Variants in DHRS2 observed in about 807,000 individuals in gnomAD.
DHRS2 encodes dehydrogenase/reductase SDR family member 2, mitochondrial.
Under a neutral mutation model 26.3 loss-of-function variants are expected in DHRS2, and 29 were observed. The observed-to-expected ratio is 1.10, with a 90% CI of 0.82 to 1.50. The LOEUF (loss-of-function observed/expected upper bound fraction) is 1.50. Ranked by LOEUF, DHRS2 falls within the 40% of genes most tolerant of loss-of-function variation. The probability of loss-of-function intolerance (pLI) is 0.00; values close to 1 mark genes in which losing one functional copy is unlikely to be tolerated. For synonymous variants in DHRS2, 164 were observed against 151.3 expected (o/e 1.08, Z -0.62); for missense variants, 439 against 367.1 (o/e 1.20, Z -1.60).
Position 23,645,333 on chromosome 14 carries a change from A to T in DHRS2, c.*80A>T. ...TGTCTAGGTGATCATTTGGATCTGG[A>T]GGCAGAGTCTGCCATTCTGCCAGAC... On this transcript the variant is annotated 3_prime_UTR_variant, in exon 9 of 9. Transcript: ENST00000250383. 6.2e-7 allele frequency: 1 copy of T among 1,605,568 alleles called. No homozygotes were observed. Among genetic ancestry groups the T allele is most frequent in the South Asian group, 1.1e-5 (1 of 90,978 alleles).
intron 3 of DHRS2, 21 bp from the exon 4 acceptor site, chr14:23,639,773 C>T (rs1297968503): frequency 6.3e-7 from 1 of 1,591,816 alleles, no homozygotes; most frequent in Non-Finnish European, 8.6e-7. Flanking sequence ...TCTCCACACT[C>T]ATCCAATCTC....
In DHRS2 at chr14:23,644,116, G is replaced by T. The variant is rs1465185087; in HGVS notation, c.494G>T (p.Gly165Val). ...QLLPYMENRR[G>V]AVILVSSIAA... ...TTATGTTTGTCTTGTCTCAGGAGGG[G>T]TGCTGTCATCCTGGTCTCTTCCATT... Residue 165 changes from glycine to valine, a missense_variant, in exon 6 of 9, where the codon GGT (glycine) becomes GTT (valine). Transcript: ENST00000250383. The T allele has an allele frequency of 1.2e-6, 2 of 1,614,028 alleles. No individual in the cohort carries two copies. The highest frequency in any genetic ancestry group is 1.7e-6 in the Non-Finnish European group (2 of 1,180,022).
chr14:23,639,556 C>T lies in DHRS2; in HGVS notation c.318+200C>T, dbSNP rs1026432420. 3.9e-5 allele frequency among the ~76,000 whole-genome samples: 6 copies of T among 152,220 alleles called. No individual in the cohort carries two copies. In the South Asian group the frequency reaches 1.2e-3, roughly 32 times the overall value. ...GAGGACCCTCACCCCACCCCCAGGCCCGGGGAGAATCACTGTGGAGGAGGA... is the reference window on the plus strand; with the variant it reads ...GAGGACCCTCACCCCACCCCCAGGCTCGGGGAGAATCACTGTGGAGGAGGA... On this transcript the variant is annotated intron_variant, in intron 3 of 8. Coordinates refer to ENST00000250383, the MANE Select transcript of DHRS2 (RefSeq NM_005794.4).
At chr14:23,639,406 T>A in intron 3 of DHRS2, 50 bp downstream of exon 3, 1 of 1,511,620 alleles carries the variant, frequency 6.6e-7, no homozygotes. Context: ...ATGCAGAACC[T>A]TTCCTTCACT....
At chr14:23,639,487 C>G (rs1355862891) in intron 3 of DHRS2, 131 bp downstream of exon 3, 3 of 1,311,884 alleles carry the variant, frequency 2.3e-6, no homozygotes, top group African/African-American at 1.5e-5. Context: ...CCCAAGCTAA[C>G]CTCGCTACCC....
chr14:23,638,713 G>C (rs3818304), intron 1 of DHRS2, 114 bp from the exon 2 acceptor site: 155,763 of 1,128,340 alleles, frequency 0.14, 13,402 homozygotes, highest in East Asian at 0.36. Context: ...TAACCAGCCT[G>C]ACTCTCTGCC....
chr14:23,637,761 G>A (rs372200789), intron 1 of DHRS2, among the ~76,000 whole-genome samples: 12 of 152,234 alleles, frequency 7.9e-5, no homozygotes, highest in South Asian at 2.1e-4. Context: ...TGTGTCTAGC[G>A]AAAGGATTGT....
rs72688311 is a variant in DHRS2, at chr14:23,644,628, T to C, written c.675+85T>C. 1.9e-4 allele frequency: 295 copies of C among 1,594,570 alleles called. 1 individual carries two copies. The highest frequency in any genetic ancestry group is 2.3e-4 in the Non-Finnish European group (273 of 1,163,586). On this transcript the variant is annotated intron_variant, in intron 7 of 8. Coordinates refer to ENST00000250383, the MANE Select transcript of DHRS2 (RefSeq NM_005794.4). ...AATAAGGGATCAAGGGGTGACTGAATCCTTAGGTCAGCATGCCTATGACTG... is the reference window on the plus strand; with the variant it reads ...AATAAGGGATCAAGGGGTGACTGAACCCTTAGGTCAGCATGCCTATGACTG...
intron 2 of DHRS2, 30 bp downstream of exon 2, chr14:23,639,034 C>T (rs770402015): frequency 2.5e-6 from 4 of 1,608,742 alleles, no homozygotes; most frequent in East Asian, 2.2e-5. Flanking sequence ...TGGGTCCTGG[C>T]CCCTCACAGG....
rs1890794906 is a variant in DHRS2, at chr14:23,644,484, A to C, written c.616A>C (p.Lys206Gln). Residue 206 changes from lysine (K) to glutamine (Q), a missense_variant, in exon 7 of 9, where the codon AAG (lysine) becomes CAG (glutamine). Coordinates refer to ENST00000250383, the MANE Select transcript of DHRS2 (RefSeq NM_005794.4). Reference protein sequence around the residue: ...TRTLALELAPKDIRVNCVVPG... With the variant: ...TRTLALELAPQDIRVNCVVPG... ...AACACTGGCATTGGAGCTGGCCCCC[A>C]AGGACATCCGGGTAAACTGCGTGGT... is the stretch of plus-strand genomic sequence containing the variant. The C allele has an allele frequency of 3.7e-6, 6 of 1,614,216 alleles. No individual in the cohort carries two copies. The highest frequency in any genetic ancestry group is 5.1e-6 in the Non-Finnish European group (6 of 1,180,042).
In DHRS2 at chr14:23,639,013, T is replaced by A; in HGVS notation, c.140+9T>A. The A allele has an allele frequency of 6.2e-7, 1 of 1,612,362 alleles. No individual in the cohort carries two copies. ...ACGGGGTCCACCAGTGGGTGAGTGC[T>A]GGATTGCCCATGGGTCCTGGCCCCT... On this transcript the variant is annotated intron_variant, in intron 2 of 8. Transcript: ENST00000250383.
upstream of DHRS2, among the ~76,000 whole-genome samples, chr14:23,635,661 C>T (rs534105523): frequency 2.2e-4 from 34 of 152,392 alleles, no homozygotes; most frequent in African/African-American, 8.2e-4. Context: ...CCCTTGCTCA[C>T]TCTTGGTGCC....
At position 23,639,910 on chromosome 14, in the gene DHRS2, C is replaced by A; in HGVS notation, c.420+15C>A. The stretch of plus-strand genomic sequence containing the variant: ...TCTGGGACAAGGTGAGAGGCCTCCC[C>A]TGGGGAGGCGGCTGAGGGCCCGATT... On this transcript the variant is annotated intron_variant, in intron 4 of 8. Transcript: ENST00000250383. The A allele has an allele frequency of 1.3e-6, 2 of 1,564,582 alleles. No homozygotes were observed. The highest frequency in any genetic ancestry group is 8.6e-7 in the Non-Finnish European group (1 of 1,157,226).
chr14:23,642,941 G>T (rs762690883), intron 4 of DHRS2: 39 of 538,446 alleles, frequency 7.2e-5, no homozygotes, highest in Admixed American at 6.3e-4. Flanking sequence ...TCAGGGCTCT[G>T]CTCACAGGCC....
At chr14:23,631,500 C>T (rs1264093966), upstream of DHRS2, among the ~76,000 whole-genome samples, 1 of 152,094 alleles carries the variant, frequency 6.6e-6, no homozygotes, top group Non-Finnish European at 1.5e-5. Flanking sequence ...ATTTCTAACT[C>T]TTCCATGTCT....
At chr14:23,640,704 ACT>A (rs1297718124) in intron 4 of DHRS2, 1 of 152,906 alleles carries the variant, frequency 6.5e-6, no homozygotes, top group East Asian at 1.9e-4. Context: ...TAGATCCTGC[ACT>A]CTCACTTGCC....
At chr14:23,641,096 A>G (rs1409293026) in intron 4 of DHRS2, 1 of 153,710 alleles carries the variant, frequency 6.5e-6, no homozygotes, top group Non-Finnish European at 1.4e-5. Flanking sequence ...ATTCTGTACC[A>G]CTGGACAGAA....
Position 23,637,085 on chromosome 14 carries a change from G to A in DHRS2, c.-39+313G>A, listed in dbSNP as rs111462081. Reference sequence around the variant, plus strand: ...GTTGGTTGACCCTGCGGCCATGAGCGGAACTCTCAAAGGCATGTTGCCCAA... The same window carrying A: ...GTTGGTTGACCCTGCGGCCATGAGCAGAACTCTCAAAGGCATGTTGCCCAA... On this transcript the variant is annotated intron_variant, in intron 1 of 8. Coordinates refer to ENST00000250383, the MANE Select transcript of DHRS2 (RefSeq NM_005794.4). Among the ~76,000 whole-genome samples the A allele has an allele frequency of 6.1e-3, 923 of 152,246 alleles. 15 individuals carry two copies. The highest frequency in any genetic ancestry group is 0.021 in the African/African-American group (877 of 41,524).
intron 1 of DHRS2, 52 bp downstream of exon 1, chr14:23,636,824 G>C (rs1890321748): frequency 6.6e-6 from 1 of 152,200 alleles, no homozygotes; most frequent in African/African-American, 2.4e-5. Context: ...TTTTTCCTTA[G>C]AATTCGGTGG....
Sources: allele counts gnomAD v4.1 joint callset (sites outside exome capture counted in the v4.1 genomes callset), GRCh38; gene constraint gnomAD v4.1.1; transcripts MANE v1.5; gene names NCBI Gene and HGNC (gene_info 2026-07-23, HGNC 2026-07-21).